ZNF138: variants seen among roughly 807,000 people sequenced by gnomAD.
ZNF138 encodes the protein zinc finger protein 138 (clone pHZ-32).
In ZNF138, 33 loss-of-function variants were observed where a neutral mutation model predicts 33.0. The observed-to-expected ratio is 1.00, with a 90% CI of 0.76 to 1.34. The LOEUF (loss-of-function observed/expected upper bound fraction) is 1.34. Among genes scored for constraint, ZNF138 ranks in the 40% most tolerant of loss-of-function variants. The pLI is 0.00. For synonymous variants in ZNF138, 139 were observed against 120.4 expected, an observed-to-expected ratio of 1.15 and a Z score of -1.01; for missense variants, 360 against 370.8, an observed-to-expected ratio of 0.97 and a Z score of 0.24.
At chr7:64,836,616 G>C (rs1206686024), downstream of ZNF138, 1 of 152,156 alleles carries the variant, frequency 6.6e-6, no homozygotes, top group Non-Finnish European at 1.5e-5. Flanking sequence ...CTCCAGTGGA[G>C]GTACTGACAT....
intron 1 of ZNF138, among the ~76,000 whole-genome samples, chr7:64,812,430 G>A (rs1788252918): frequency 6.6e-6 from 1 of 152,142 alleles, no homozygotes; most frequent in South Asian, 2.1e-4. Context: ...AAAGTGTTGG[G>A]ATTACAGGTG....
chr7:64,816,638 G>T (rs9654824), intron 3 of ZNF138, among the ~76,000 whole-genome samples: 150,079 of 152,274 alleles, frequency 0.99, 73,994 homozygotes, highest in East Asian at 1. Context: ...AACCAGCAAC[G>T]TTTTACTTGT....
At chr7:64,828,869 C>A (rs6957671) in intron 3 of ZNF138, among the ~76,000 whole-genome samples, 149,942 of 152,136 alleles carry the variant, frequency 0.99, 73,927 homozygotes, top group East Asian at 1. Flanking sequence ...TTCTTGAAAA[C>A]TGCAATGAGA....
chr7:64,826,974 A>T (rs867360819), intron 3 of ZNF138, among the ~76,000 whole-genome samples: 1 of 151,686 alleles, frequency 6.6e-6, no homozygotes, highest in African/African-American at 2.4e-5. Context: ...CTGTAGAAGA[A>T]GTTTAAGGGT....
intron 1 of ZNF138, chr7:64,814,109 CAAGATATTCTTCTTGAGCCAAAAACATTG>C (rs1257459174): frequency 8.2e-7 from 1 of 1,222,064 alleles, no homozygotes; most frequent in African/African-American, 1.7e-5. Flanking sequence ...GGATATTTAA[CAAGATATTCTTCTTGAGCCAAAAACATTG>C]ACATTAGCGG....
chr7:64,834,504 C>CT (rs1428892948), downstream of ZNF138, among the ~76,000 whole-genome samples: 2 of 152,050 alleles, frequency 1.3e-5, no homozygotes, highest in African/African-American at 2.4e-5. Flanking sequence ...TCAAAGTATA[C>CT]TTTTTTCCTT....
intron 1 of ZNF138, among the ~76,000 whole-genome samples, chr7:64,809,607 A>ACC (rs1787953625): frequency 7.0e-6 from 1 of 143,460 alleles, no homozygotes; most frequent in Admixed American, 6.9e-5. Context: ...CCCCCCCCAC[A>ACC]CCTCCCTCCC....
At chr7:64,808,328 G>T (rs1264694005) in intron 1 of ZNF138, among the ~76,000 whole-genome samples, 1 of 152,132 alleles carries the variant, frequency 6.6e-6, no homozygotes, top group East Asian at 1.9e-4. Context: ...AGACCCAAAG[G>T]GATAAACTAA....
intron 3 of ZNF138, among the ~76,000 whole-genome samples, chr7:64,826,889 G>C (rs994637468): frequency 3.3e-5 from 5 of 149,790 alleles, no homozygotes; most frequent in Admixed American, 3.3e-4. Context: ...GCCTCAAGCA[G>C]TCCACCTGCC....
intron 1 of ZNF138, among the ~76,000 whole-genome samples, chr7:64,796,498 G>A (rs954912057): frequency 2.0e-5 from 3 of 152,134 alleles, no homozygotes; most frequent in African/African-American, 7.2e-5. Flanking sequence ...TTATTAGTAG[G>A]ACTAAAAGGT....
At chr7:64,802,780 G>A (rs115230911) in intron 1 of ZNF138, among the ~76,000 whole-genome samples, 11 of 152,142 alleles carry the variant, frequency 7.2e-5, no homozygotes, top group African/African-American at 1.9e-4. Context: ...CTAGTGAGCC[G>A]CAAGATCTTT....
chr7:64,803,197 G>A (rs1469325006), intron 1 of ZNF138, among the ~76,000 whole-genome samples: 1 of 148,568 alleles, frequency 6.7e-6, no homozygotes, highest in African/African-American at 2.5e-5. Context: ...CATTGTTTTT[G>A]ACTCAGGATT....
At chr7:64,797,922 G>T (rs1386217147) in intron 1 of ZNF138, among the ~76,000 whole-genome samples, 1 of 151,984 alleles carries the variant, frequency 6.6e-6, no homozygotes, top group East Asian at 1.9e-4. Context: ...GTATAAATCA[G>T]ATTTTATTTT....
chr7:64,834,435 A>G (rs536807805), downstream of ZNF138, among the ~76,000 whole-genome samples: 1 of 152,230 alleles, frequency 6.6e-6, no homozygotes, highest in African/African-American at 2.4e-5. Flanking sequence ...TGGGTAGATA[A>G]ATTATTTGTA....
intron 1 of ZNF138, among the ~76,000 whole-genome samples, chr7:64,812,405 C>T (rs900871812): frequency 1.3e-5 from 2 of 152,108 alleles, no homozygotes; most frequent in Admixed American, 6.5e-5. Context: ...AGTAATCCAG[C>T]AGCCTCTGCC....
chr7:64,811,122 T>C (rs1311082227), intron 1 of ZNF138, among the ~76,000 whole-genome samples: 1 of 152,158 alleles, frequency 6.6e-6, no homozygotes. Context: ...TTTAATTCTA[T>C]ACATTTTTTA....
chr7:64,823,201 C>T (rs1171803803), intron 3 of ZNF138, among the ~76,000 whole-genome samples: 1 of 152,106 alleles, frequency 6.6e-6, no homozygotes, highest in Non-Finnish European at 1.5e-5. Flanking sequence ...TTTTTTGACC[C>T]TTGAGCAAGA....
the ZNF138 span, among the ~76,000 whole-genome samples, chr7:64,839,704 G>A: frequency 6.6e-6 from 1 of 152,182 alleles, no homozygotes; most frequent in Non-Finnish European, 1.5e-5. Context: ...GATGGCCGTG[G>A]AGGAGAAGCC....
the ZNF138 span, among the ~76,000 whole-genome samples, chr7:64,859,177 C>T: frequency 6.6e-6 from 1 of 152,248 alleles, no homozygotes; most frequent in East Asian, 1.9e-4. Context: ...CCACCCACCT[C>T]AGCCTCCCAA....
Sources: allele counts gnomAD v4.1 joint callset (sites outside exome capture counted in the v4.1 genomes callset), GRCh38; gene constraint gnomAD v4.1.1; transcripts MANE v1.5; gene names NCBI Gene and HGNC (gene_info 2026-07-23, HGNC 2026-07-21).